The following STAC variants were observed in gnomAD, a reference collection of about 807,000 sequenced individuals.
STAC encodes SH3 and cysteine rich domain.
In STAC, 43 loss-of-function variants were observed where a neutral mutation model predicts 48.8. The ratio of observed to expected loss-of-function variants is 0.88; its 90% CI spans 0.69 to 1.14. The LOEUF (loss-of-function observed/expected upper bound fraction) is 1.14. STAC is among the 50% of genes most tolerant of loss of function. The pLI, the probability that STAC is intolerant of heterozygous loss-of-function variation, is 0.00. For missense variants in STAC, 497 were observed against 504.0 expected (o/e 0.99, Z 0.13); for synonymous variants, 193 against 179.5 (o/e 1.07, Z -0.60).
chr3:36,406,667 A>G (rs1331573486), intron 1 of STAC, among the ~76,000 whole-genome samples: 1 of 152,226 alleles, frequency 6.6e-6, no homozygotes, highest in Non-Finnish European at 1.5e-5. Flanking sequence ...AATCCAGCCC[A>G]CTGCCTGTTT....
chr3:36,414,873 G>C (rs1179241712), intron 1 of STAC, among the ~76,000 whole-genome samples: 1 of 152,188 alleles, frequency 6.6e-6, no homozygotes, highest in African/African-American at 2.4e-5. Context: ...CTGTTTGTTA[G>C]TTTTCCTTTT....
At chr3:36,422,736 G>C (rs1267367260) in intron 1 of STAC, among the ~76,000 whole-genome samples, 4 of 151,986 alleles carry the variant, frequency 2.6e-5, no homozygotes, top group African/African-American at 9.7e-5. Context: ...TTAAGTTGCT[G>C]TGTCATTTTT....
At chr3:36,433,923 C>T (rs1235163796) in intron 1 of STAC, among the ~76,000 whole-genome samples, 3 of 152,198 alleles carry the variant, frequency 2.0e-5, no homozygotes, top group Non-Finnish European at 4.4e-5. Flanking sequence ...AAGAATATTT[C>T]AACTTCGAAG....
chr3:36,469,390 T>C (rs1250869866), intron 2 of STAC, among the ~76,000 whole-genome samples: 2 of 152,204 alleles, frequency 1.3e-5, no homozygotes, highest in East Asian at 3.8e-4. Context: ...AATTGTTCTG[T>C]TTAAGGAGGC....
intron 2 of STAC, among the ~76,000 whole-genome samples, chr3:36,457,887 TCTATTTG>T (rs1299941251): frequency 6.6e-6 from 1 of 152,130 alleles, no homozygotes; most frequent in African/African-American, 2.4e-5. Flanking sequence ...CCAACCTAAC[TCTATTTG>T]CTATTTTTAA....
intron 1 of STAC, among the ~76,000 whole-genome samples, chr3:36,420,194 C>A (rs1297864596): frequency 6.6e-6 from 1 of 152,098 alleles, no homozygotes; most frequent in Admixed American, 6.5e-5. Context: ...TAGGACCTAC[C>A]AGATAGTGTG....
chr3:36,432,557 C>T (rs544195157), intron 1 of STAC, among the ~76,000 whole-genome samples: 42 of 152,238 alleles, frequency 2.8e-4, no homozygotes, highest in Middle Eastern at 6.8e-3. Context: ...CAAAAATTAG[C>T]TGGGTATGGT....
intron 1 of STAC, among the ~76,000 whole-genome samples, chr3:36,415,334 C>T (rs1412162005): frequency 1.3e-5 from 2 of 152,216 alleles, no homozygotes; most frequent in East Asian, 3.9e-4. Context: ...AGCTTCCCAG[C>T]CACTATGTTT....
Position 36,443,239 on chromosome 3 carries a change from G to C in STAC, c.112-125G>C. 1 of 1,140,556 alleles carries C rather than the reference G, an allele frequency of 8.8e-7. No homozygotes were observed. Among genetic ancestry groups the C allele is most frequent in the South Asian group, 1.5e-5 (1 of 65,282 alleles). The allele number at this position is 1,140,556 out of a possible 1,614,324, so 70.7% of individuals were successfully genotyped here. ...ACCCCACCCACACAGGGACATTTAT[G>C]AGCCTCCTCAAGACGGAGGGTGTCA... is the stretch of plus-strand genomic sequence containing the variant. On this transcript the variant is annotated intron_variant, in intron 1 of 10. Transcript: ENST00000273183. This position sits in a 1 kb window ranked among gnomAD's most constrained non-coding sequence, Gnocchi z 4.2.
chr3:36,426,928 T>TA (rs1302159259), intron 1 of STAC, among the ~76,000 whole-genome samples: 2 of 152,156 alleles, frequency 1.3e-5, no homozygotes, highest in African/African-American at 4.8e-5. Flanking sequence ...TTTTAGGTAT[T>TA]AAAAATCCAA....
chr3:36,537,155 A>T (rs955841230), intron 10 of STAC, among the ~76,000 whole-genome samples: 1 of 152,148 alleles, frequency 6.6e-6, no homozygotes, highest in Non-Finnish European at 1.5e-5. Flanking sequence ...AAAACCTAGA[A>T]CCAGAAATAC....
chr3:36,490,597 C>T (rs1697942691), intron 5 of STAC, among the ~76,000 whole-genome samples: 1 of 152,044 alleles, frequency 6.6e-6, no homozygotes, highest in African/African-American at 2.4e-5. Context: ...TGCAGAGAGA[C>T]GGCTCCACAG....
intron 2 of STAC, among the ~76,000 whole-genome samples, chr3:36,459,648 G>A (rs988531855): frequency 6.6e-5 from 10 of 152,214 alleles, no homozygotes; most frequent in African/African-American, 1.7e-4. Flanking sequence ...TTTGGTTTTC[G>A]TCAGAAACAG....
rs3061960 is a variant in STAC, at chr3:36,447,649, C to CCACACACACA, written c.388+4036_388+4045dup. ...GAAAAACTATATATATGTATACACA[C>CCACACACACA]CACACACACACACACACACACACAC... On this transcript the variant is annotated intron_variant, in intron 2 of 10. Coordinates refer to ENST00000273183, the MANE Select transcript of STAC (RefSeq NM_003149.3). Among the ~76,000 whole-genome samples, 419 of 146,412 alleles carry CCACACACACA rather than the reference C, an allele frequency of 2.9e-3. 1 individual carries two copies. The highest frequency in any genetic ancestry group is 7.1e-3 in the Middle Eastern group (2 of 282).
intron 2 of STAC, among the ~76,000 whole-genome samples, chr3:36,476,269 T>A (rs1420376239): frequency 6.6e-6 from 1 of 152,152 alleles, no homozygotes; most frequent in African/African-American, 2.4e-5. Flanking sequence ...AGAGGAGATG[T>A]CCTGTTGTAA....
intron 2 of STAC, among the ~76,000 whole-genome samples, chr3:36,460,919 A>G (rs1285319114): frequency 1.3e-5 from 2 of 152,220 alleles, no homozygotes; most frequent in Non-Finnish European, 1.5e-5. Context: ...TTCAAAAATA[A>G]TAACATTTCC....
chr3:36,467,480 T>C (rs964142805), intron 2 of STAC, among the ~76,000 whole-genome samples: 15 of 152,164 alleles, frequency 9.9e-5, no homozygotes, highest in Non-Finnish European at 1.9e-4. Context: ...TTCTGGACTT[T>C]TTTTGTTGGC....
chr3:36,427,672 G>A (rs968325906), intron 1 of STAC, among the ~76,000 whole-genome samples: 1 of 152,186 alleles, frequency 6.6e-6, no homozygotes, highest in Non-Finnish European at 1.5e-5. Context: ...CATCTAACAT[G>A]TGCCAGGCTC....
chr3:36,540,626 T>C (rs957700699), intron 10 of STAC, among the ~76,000 whole-genome samples: 1 of 152,178 alleles, frequency 6.6e-6, no homozygotes, highest in African/African-American at 2.4e-5. Flanking sequence ...AGCCAGAGGA[T>C]GAGGGTGGCC....
Sources: gnomAD v4.1 joint callset for allele counts (sites outside exome capture counted in the v4.1 genomes callset) on GRCh38, gnomAD v4.1.1 for gene constraint, Gnocchi (gnomAD v3.1) non-coding constraint, MANE v1.5 for transcripts, NCBI Gene and HGNC (gene_info 2026-07-23, HGNC 2026-07-21) for gene names.